Variants in SOX5 observed in about 807,000 individuals in gnomAD.
SOX5 encodes the protein transcription factor SOX-5.
Under a neutral mutation model 92.0 loss-of-function variants are expected in SOX5, and 9 were observed. The observed-to-expected ratio is 0.10, with a 90% CI of 0.06 to 0.17. SOX5 has a LOEUF of 0.17. Among genes scored for constraint, SOX5 ranks in the 10% least tolerant of loss-of-function variants. The pLI is 1.00. For missense variants in SOX5, 642 were observed against 944.5 expected (o/e 0.68, Z 4.20); for synonymous variants, 344 against 336.3 (o/e 1.02, Z -0.25).
intron 4 of SOX5, among the ~76,000 whole-genome samples, chr12:24,101,705 A>G (rs966281032): frequency 2.0e-5 from 3 of 152,164 alleles, no homozygotes; most frequent in Non-Finnish European, 4.4e-5. Flanking sequence ...CAGATTCACA[A>G]GGGCAAAATG....
At chr12:24,276,758 C>G (rs1448832997) in intron 3 of SOX5, among the ~76,000 whole-genome samples, 1 of 152,088 alleles carries the variant, frequency 6.6e-6, no homozygotes, top group Non-Finnish European at 1.5e-5. Flanking sequence ...AGCAATATTA[C>G]ATTTTCGTAT....
rs1486945512 is a variant in SOX5, at chr12:24,092,355, C to T, written c.-2+120988G>A. Among the ~76,000 whole-genome samples the T allele has an allele frequency of 4.6e-5, 7 of 151,942 alleles. No individual in the cohort carries two copies. The South Asian group carries it at 6.2e-4, about 14-fold the overall frequency. On this transcript the variant is annotated intron_variant, in intron 4 of 4. Coordinates refer to the SOX5 transcript ENST00000446891. The stretch of plus-strand genomic sequence containing the variant: ...TAATCTACTTTAAAGATCCCACAAA[C>T]GGAGACTCTCCTCCTACAAACAGGG...
intron 1 of SOX5, among the ~76,000 whole-genome samples, chr12:24,548,644 T>G (rs1952873355): frequency 6.6e-6 from 1 of 152,164 alleles, no homozygotes; most frequent in Non-Finnish European, 1.5e-5. Context: ...CCCAATAGGT[T>G]AGTGGAATGG....
At chr12:24,497,546 A>G (rs886431243) in intron 1 of SOX5, among the ~76,000 whole-genome samples, 2 of 152,148 alleles carry the variant, frequency 1.3e-5, no homozygotes, top group African/African-American at 4.8e-5. Flanking sequence ...GACAGAAAAA[A>G]CAACAGATGC....
chr12:24,150,777 G>T (rs1444900117), intron 4 of SOX5, among the ~76,000 whole-genome samples: 2 of 152,070 alleles, frequency 1.3e-5, no homozygotes, highest in African/African-American at 4.8e-5. Context: ...TAAAACAAGG[G>T]CTGCATCCTT....
intron 9 of SOX5, among the ~76,000 whole-genome samples, chr12:23,595,618 C>CAAAAAAAA (rs747265656): frequency 2.2e-5 from 1 of 46,320 alleles, no homozygotes; most frequent in African/African-American, 8.9e-5. Flanking sequence ...GACTCTGCCT[C>CAAAAAAAA]AAAAAAAAAA....
intron 2 of SOX5, among the ~76,000 whole-genome samples, chr12:24,332,003 A>G (rs1281601384): frequency 6.6e-6 from 1 of 152,132 alleles, no homozygotes; most frequent in African/African-American, 2.4e-5. Context: ...AAGACTGCAT[A>G]TAATATGATC....
intron 2 of SOX5, among the ~76,000 whole-genome samples, chr12:23,872,164 ATTTTTT>A (rs71059938): frequency 1.5e-4 from 9 of 61,628 alleles, no homozygotes; most frequent in Non-Finnish European, 2.3e-4. Flanking sequence ...CGCCCGGCTA[ATTTTTT>A]TTTTTTTTTT....
intron 7 of SOX5, among the ~76,000 whole-genome samples, chr12:23,649,427 A>C (rs572310434): frequency 2.6e-5 from 4 of 152,152 alleles, no homozygotes; most frequent in African/African-American, 9.6e-5. Flanking sequence ...ATAATGGAAA[A>C]CTTTGACTTT....
chr12:23,680,691 G>A (rs2086476050), intron 6 of SOX5, among the ~76,000 whole-genome samples: 1 of 152,020 alleles, frequency 6.6e-6, no homozygotes, highest in South Asian at 2.1e-4. Flanking sequence ...GAGAGGAAAA[G>A]GTCAGTCAAT....
intron 2 of SOX5, among the ~76,000 whole-genome samples, chr12:24,282,555 A>G (rs562387667): frequency 6.6e-6 from 1 of 151,434 alleles, no homozygotes; most frequent in African/African-American, 2.4e-5. Flanking sequence ...GTGTTGCCCA[A>G]TTTGAACAGG....
At position 24,532,746 on chromosome 12, in the gene SOX5, T is replaced by G. The variant is rs1197332301; in HGVS notation, c.-251+29583A>C. Among the ~76,000 whole-genome samples the G allele has an allele frequency of 2.6e-5, 4 of 152,240 alleles. No homozygotes were observed. In the East Asian group the frequency reaches 7.7e-4, roughly 29 times the overall value. Reference sequence around the variant, plus strand: ...TGGCCCTTCAGACTAAAACTACCATTTTCTATATGCTTCTAACTCCAAGAA... The same window carrying G: ...TGGCCCTTCAGACTAAAACTACCATGTTCTATATGCTTCTAACTCCAAGAA... On this transcript the variant is annotated intron_variant, in intron 1 of 4. Coordinates refer to the SOX5 transcript ENST00000446891.
intron 4 of SOX5, among the ~76,000 whole-genome samples, chr12:24,050,084 CAA>C (rs10687571): frequency 8.1e-5 from 6 of 74,258 alleles, no homozygotes; most frequent in Non-Finnish European, 1.2e-4. Flanking sequence ...GGCGCAGAGG[CAA>C]AAAAAAAAAA....
chr12:24,038,301 C>T (rs1033945781), intron 4 of SOX5, among the ~76,000 whole-genome samples: 3 of 152,282 alleles, frequency 2.0e-5, no homozygotes, highest in Non-Finnish European at 2.9e-5. Flanking sequence ...AAACTCATCC[C>T]TCCCAGGCTT....
intron 1 of SOX5, among the ~76,000 whole-genome samples, chr12:24,447,072 T>C (rs1447047953): frequency 1.3e-5 from 2 of 152,234 alleles, no homozygotes; most frequent in African/African-American, 4.8e-5. Context: ...TAATCTCCAC[T>C]ACACAATTCC....
intron 1 of SOX5, among the ~76,000 whole-genome samples, chr12:24,498,052 G>A (rs117898781): frequency 0.014 from 2,102 of 152,270 alleles, 32 homozygotes; most frequent in Non-Finnish European, 0.023. Context: ...AGGCCTGTCT[G>A]AGGGTGCAGC....
At chr12:23,622,188 T>A (rs1040845614) in intron 8 of SOX5, among the ~76,000 whole-genome samples, 13 of 152,112 alleles carry the variant, frequency 8.5e-5, no homozygotes, top group African/African-American at 3.1e-4. Context: ...TGGAATCTGA[T>A]CGTTTTAAAA....
intron 1 of SOX5, among the ~76,000 whole-genome samples, chr12:24,487,469 G>C (rs12228081): frequency 0.18 from 27,727 of 152,102 alleles, 2,635 homozygotes; most frequent in Middle Eastern, 0.21. Context: ...ATACAGGAGA[G>C]ACTGGCTCAA....
At chr12:24,421,310 T>C (rs1965873442) in intron 1 of SOX5, among the ~76,000 whole-genome samples, 1 of 152,160 alleles carries the variant, frequency 6.6e-6, no homozygotes, top group South Asian at 2.1e-4. Context: ...GTCTTTGATA[T>C]GTTCATTATA....
Sources: gnomAD v4.1 joint callset for allele counts (sites outside exome capture counted in the v4.1 genomes callset) on GRCh38, gnomAD v4.1.1 for gene constraint, MANE v1.5 for transcripts, NCBI Gene and HGNC (gene_info 2026-07-23, HGNC 2026-07-21) for gene names.